The following NLGN1 variants were observed in gnomAD, a reference collection of about 807,000 sequenced individuals.
NLGN1 encodes the protein neuroligin-1.
In NLGN1, 12 loss-of-function variants were observed where a neutral mutation model predicts 65.5. The observed-to-expected ratio is 0.18, with a 90% CI of 0.12 to 0.30. The LOEUF (loss-of-function observed/expected upper bound fraction) is 0.30, where lower values mean the gene tolerates loss of function less well. Among genes scored for constraint, NLGN1 ranks in the 10% least tolerant of loss-of-function variants. The probability of loss-of-function intolerance (pLI) is 1.00; values close to 1 mark genes in which losing one functional copy is unlikely to be tolerated. For synonymous variants in NLGN1, 350 were observed against 359.5 expected (o/e 0.97, Z 0.30); for missense variants, 750 against 1,007.1 (o/e 0.74, Z 3.46).
intron 3 of NLGN1, among the ~76,000 whole-genome samples, chr3:173,688,868 G>T (rs981619532): frequency 1.6e-4 from 24 of 152,248 alleles, no homozygotes; most frequent in African/African-American, 5.3e-4. Flanking sequence ...TCATTAAAAT[G>T]GTGCCAAGGA....
At chr3:173,565,237 C>T (rs1743448912) in intron 2 of NLGN1, among the ~76,000 whole-genome samples, 1 of 152,068 alleles carries the variant, frequency 6.6e-6, no homozygotes, top group Non-Finnish European at 1.5e-5. Flanking sequence ...GTTCCAGGCA[C>T]CTTGAATAGA....
At chr3:173,838,769 G>A (rs1421776298) in intron 4 of NLGN1, among the ~76,000 whole-genome samples, 2 of 152,170 alleles carry the variant, frequency 1.3e-5, no homozygotes, top group Non-Finnish European at 2.9e-5. Context: ...AGAGAAAAAT[G>A]GGACTTATGA....
intron 4 of NLGN1, among the ~76,000 whole-genome samples, chr3:174,152,510 C>G (rs989823781): frequency 6.6e-6 from 1 of 151,704 alleles, no homozygotes; most frequent in African/African-American, 2.4e-5. Context: ...GTCAGGGGAG[C>G]GGGGAGGGAT....
At chr3:174,264,846 T>C (rs1577679206) in intron 4 of NLGN1, among the ~76,000 whole-genome samples, 2 of 151,930 alleles carry the variant, frequency 1.3e-5, no homozygotes, top group African/African-American at 4.8e-5. Context: ...GATGGTGATG[T>C]ACAGATGGGT....
At chr3:173,802,767 C>T (rs1024616453) in intron 3 of NLGN1, among the ~76,000 whole-genome samples, 5 of 152,056 alleles carry the variant, frequency 3.3e-5, no homozygotes, top group African/African-American at 1.2e-4. Flanking sequence ...ATTTCAGGTC[C>T]CAGTCTCAGC....
chr3:173,872,025 C>T (rs1415165210), intron 4 of NLGN1, among the ~76,000 whole-genome samples: 1 of 152,054 alleles, frequency 6.6e-6, no homozygotes, highest in East Asian at 1.9e-4. Flanking sequence ...GGTTGGATGG[C>T]CCACCGTGAG....
intron 4 of NLGN1, among the ~76,000 whole-genome samples, chr3:174,236,220 A>C (rs1316099269): frequency 1.3e-5 from 2 of 152,170 alleles, no homozygotes; most frequent in Non-Finnish European, 2.9e-5. Context: ...TATAGGATAC[A>C]TGTGGTTCAA....
chr3:173,776,560 G>T (rs1301270406), intron 3 of NLGN1, among the ~76,000 whole-genome samples: 1 of 151,968 alleles, frequency 6.6e-6, no homozygotes, highest in Non-Finnish European at 1.5e-5. Context: ...ATATGTGTGG[G>T]AAACTCGATT....
intron 4 of NLGN1, among the ~76,000 whole-genome samples, chr3:174,106,248 T>C (rs1358691944): frequency 6.6e-6 from 1 of 152,174 alleles, no homozygotes; most frequent in Non-Finnish European, 1.5e-5. Flanking sequence ...TAATATATGC[T>C]GTTTCTCCAA....
chr3:173,902,575 G>C (rs1261744988), intron 4 of NLGN1, among the ~76,000 whole-genome samples: 1 of 152,022 alleles, frequency 6.6e-6, no homozygotes. Flanking sequence ...GTAACCTGTG[G>C]CTACTCAAAC....
chr3:174,002,836 A>G (rs1043001615), intron 4 of NLGN1, among the ~76,000 whole-genome samples: 1 of 152,240 alleles, frequency 6.6e-6, no homozygotes, highest in Non-Finnish European at 1.5e-5. Context: ...TGTTAGGGTC[A>G]GGCAGCTGCA....
chr3:173,916,281 A>G (rs1476853109), intron 4 of NLGN1, among the ~76,000 whole-genome samples: 1 of 152,092 alleles, frequency 6.6e-6, no homozygotes, highest in East Asian at 1.9e-4. Flanking sequence ...TTAATGAGTG[A>G]CCTCTAATGG....
chr3:174,022,759 T>TG lies in NLGN1; in HGVS notation c.646+214929dup, dbSNP rs1276807231. On this transcript the variant is annotated intron_variant, in intron 4 of 6. Transcript: ENST00000457714. Reference sequence around the variant, plus strand: ...TGATGCAGGGGGTATCTTTTGTCCTTGGTAGAAAGTTTCCCAAGAGCCTTT... The same window carrying TG: ...TGATGCAGGGGGTATCTTTTGTCCTTGGGTAGAAAGTTTCCCAAGAGCCTTT... Among the ~76,000 whole-genome samples the TG allele has an allele frequency of 3.9e-5, 6 of 152,218 alleles. No individual in the cohort carries two copies. The East Asian group carries it at 1.2e-3, about 29-fold the overall frequency.
At chr3:173,517,794 CTATCTATCA>C (rs1023857089) in intron 2 of NLGN1, among the ~76,000 whole-genome samples, 1 of 151,596 alleles carries the variant, frequency 6.6e-6, no homozygotes, top group South Asian at 2.1e-4. Flanking sequence ...ATCTATCTAT[CTATCTATCA>C]TATCTATCTG....
At chr3:173,453,202 C>A (rs1438304232) in intron 2 of NLGN1, among the ~76,000 whole-genome samples, 1 of 151,464 alleles carries the variant, frequency 6.6e-6, no homozygotes, top group East Asian at 1.9e-4. Flanking sequence ...CAGGCTGTAG[C>A]AATTCTTCCT....
At chr3:173,819,975 C>T (rs1719898037) in intron 4 of NLGN1, among the ~76,000 whole-genome samples, 5 of 152,012 alleles carry the variant, frequency 3.3e-5, no homozygotes, top group Admixed American at 3.3e-4. Context: ...GTCCCAAATA[C>T]ATGAGGTGAG....
At chr3:174,086,052 T>G (rs1743165669) in intron 4 of NLGN1, among the ~76,000 whole-genome samples, 2 of 151,782 alleles carry the variant, frequency 1.3e-5, no homozygotes, top group Admixed American at 1.3e-4. Flanking sequence ...AAAGGCCAAA[T>G]AGTACAAAAA....
intron 4 of NLGN1, among the ~76,000 whole-genome samples, chr3:174,213,177 G>T (rs1737010993): frequency 6.6e-6 from 1 of 152,130 alleles, no homozygotes; most frequent in African/African-American, 2.4e-5. Flanking sequence ...GAAAATAATT[G>T]CTATGTTTCC....
rs574982787 is a variant in NLGN1, at chr3:174,271,413, T to C, written c.647-3902T>C. ...AAACCGCAGGGCTACTGCCTGACAATTTAAATTAGCTCCTTTCACACTCCT... is the reference window on the plus strand; with the variant it reads ...AAACCGCAGGGCTACTGCCTGACAACTTAAATTAGCTCCTTTCACACTCCT... On this transcript the variant is annotated intron_variant, in intron 4 of 6. Coordinates refer to ENST00000457714, the Ensembl canonical transcript of NLGN1. 5.3e-4 allele frequency among the ~76,000 whole-genome samples: 81 copies of C among 151,970 alleles called. 1 individual carries two copies. The highest frequency in any genetic ancestry group is 3.4e-3 in the Middle Eastern group (1 of 294).
Sources: gnomAD v4.1 joint callset for allele counts (sites outside exome capture counted in the v4.1 genomes callset) on GRCh38, gnomAD v4.1.1 for gene constraint, MANE v1.5 for transcripts, NCBI Gene and HGNC (gene_info 2026-07-23, HGNC 2026-07-21) for gene names.